The following SET variants were observed in gnomAD, a reference collection of about 807,000 sequenced individuals.
SET encodes protein SET.
A neutral mutation model predicts 39.0 loss-of-function variants in SET; 4 were observed. The ratio of observed to expected loss-of-function variants is 0.10; its 90% CI spans 0.05 to 0.23. SET has a LOEUF of 0.23. SET is among the 10% of genes least tolerant of loss of function. The probability of loss-of-function intolerance (pLI) is 1.00; values close to 1 mark genes in which losing one functional copy is unlikely to be tolerated. For missense variants in SET, 137 were observed against 329.7 expected (o/e 0.42, Z 4.53); for synonymous variants, 114 against 115.9 (o/e 0.98, Z 0.11).
chr9:128,694,258 T>A (rs1321014792), intron 7 of SET, among the ~76,000 whole-genome samples: 1 of 152,100 alleles, frequency 6.6e-6, no homozygotes, highest in African/African-American at 2.4e-5. Flanking sequence ...TGGGTTTTTT[T>A]GGTTAGACTT....
upstream of SET, among the ~76,000 whole-genome samples, chr9:128,687,142 G>A (rs974071354): frequency 1.3e-5 from 2 of 152,044 alleles, no homozygotes; most frequent in African/African-American, 4.8e-5. Flanking sequence ...CAGATCACCT[G>A]AGGTCGGGAG....
rs775179714 is a variant in SET, at chr9:128,691,167, C to T, written c.74-3C>T. 1.9e-6 allele frequency: 3 copies of T among 1,600,720 alleles called. No individual in the cohort carries two copies. The highest frequency in any genetic ancestry group is 2.6e-6 in the Non-Finnish European group (3 of 1,174,132). The stretch of plus-strand genomic sequence containing the variant: ...AATTAAGTTTTTTGCTCCTTTTTTG[C>T]AGAAAAAGAACAGCAAGAAGCGATT... On this transcript the variant is annotated splice_polypyrimidine_tract_variant and splice_region_variant and intron_variant, in intron 1 of 7. Transcript: ENST00000322030.
chr9:128,691,585 A>G (rs995358249), intron 2 of SET, among the ~76,000 whole-genome samples: 4 of 152,226 alleles, frequency 2.6e-5, no homozygotes, highest in Admixed American at 2.0e-4. Context: ...AACAATTGAA[A>G]TTGGACTGGA....
At position 128,695,404 on chromosome 9, in the gene SET, A is replaced by G. The variant is rs1193775324; in HGVS notation, c.*740A>G. 1 of 223,164 alleles carries G rather than the reference A, an allele frequency of 4.5e-6. No individual in the cohort carries two copies. The highest frequency in any genetic ancestry group is 2.2e-5 in the African/African-American group (1 of 44,800). The allele number at this position is 223,164 out of a possible 1,614,324, so 13.8% of individuals were successfully genotyped here. ...ATCTTATTTGGAATTGACATTCTCTATTGTAATTTTGTTCCTGTTTATTTT... is the reference window on the plus strand; with the variant it reads ...ATCTTATTTGGAATTGACATTCTCTGTTGTAATTTTGTTCCTGTTTATTTT... On this transcript the variant is annotated 3_prime_UTR_variant, in exon 8 of 8. Coordinates refer to ENST00000322030, the MANE Select transcript of SET (RefSeq NM_003011.4).
At chr9:128,690,745 G>T in intron 1 of SET, 1 of 186,996 alleles carries the variant, frequency 5.3e-6, no homozygotes. Flanking sequence ...TACCTTGATA[G>T]GTGGTAGTGG....
At chr9:128,691,783 A>G in intron 2 of SET, 75 bp from the exon 3 acceptor site, 2 of 1,406,136 alleles carry the variant, frequency 1.4e-6, no homozygotes, top group South Asian at 1.3e-5. Flanking sequence ...GTAAGTAAAT[A>G]CACTCTGTAA....
chr9:128,694,106 GTA>G (rs10637043), intron 7 of SET, 64 bp downstream of exon 7: 6,309 of 970,796 alleles, frequency 6.5e-3, no homozygotes, highest in African/African-American at 7.2e-3. Context: ...ATTTTGGGGT[GTA>G]TATATATATA....
chr9:128,689,786 G>A (rs1212842165), intron 1 of SET, 131 bp downstream of exon 1: 2 of 149,436 alleles, frequency 1.3e-5, no homozygotes, highest in Non-Finnish European at 2.9e-5. Flanking sequence ...GGCCGGGCGG[G>A]GGCCCGCGGA....
chr9:128,690,306 G>C (rs561339260), intron 1 of SET: 9 of 152,934 alleles, frequency 5.9e-5, no homozygotes, highest in African/African-American at 1.9e-4. Context: ...CCAGTGTATC[G>C]GGGGTCTTGG....
chr9:128,684,544 C>T (rs1009811282), upstream of SET, among the ~76,000 whole-genome samples: 2 of 152,100 alleles, frequency 1.3e-5, no homozygotes, highest in African/African-American at 4.8e-5. Context: ...CCTCCCTTGC[C>T]TCCCCGCGTC....
exon 1 of SET, chr9:128,683,717 G>T: frequency 1.9e-6 from 1 of 521,414 alleles, no homozygotes; most frequent in East Asian, 3.3e-5. Context: ...GAGGGTGGGT[G>T]GGATGAGGCT....
At chr9:128,688,644 G>A (rs528052474), upstream of SET, among the ~76,000 whole-genome samples, 3 of 152,194 alleles carry the variant, frequency 2.0e-5, no homozygotes, top group African/African-American at 4.8e-5. Context: ...CTTGCTCAAG[G>A]GTACAAGCTT....
chr9:128,685,835 C>G (rs1861264925), upstream of SET, among the ~76,000 whole-genome samples: 1 of 152,134 alleles, frequency 6.6e-6, no homozygotes, highest in South Asian at 2.1e-4. Context: ...AGTTCAAGAC[C>G]AGCCTGGCCA....
At chr9:128,690,002 C>T in intron 1 of SET, 9 of 1,050,090 alleles carry the variant, frequency 8.6e-6, no homozygotes, top group Non-Finnish European at 1.0e-5. Flanking sequence ...GCCTCGCTCC[C>T]ATCAGCCGCC....
intron 1 of SET, 198 bp from the exon 2 acceptor site, chr9:128,690,972 A>G: frequency 1.6e-6 from 1 of 643,216 alleles, no homozygotes; most frequent in South Asian, 1.7e-5. Flanking sequence ...GTAAACCAGC[A>G]GACAGCATGA....
At chr9:128,685,106 A>T, upstream of SET, 2 of 1,552,002 alleles carry the variant, frequency 1.3e-6, no homozygotes, top group Admixed American at 4.0e-5. Flanking sequence ...GAGGAGTCCT[A>T]CCTCAGGGCT....
chr9:128,686,011 GAACAAC>G (rs200267325), upstream of SET, among the ~76,000 whole-genome samples: 1 of 150,116 alleles, frequency 6.7e-6, no homozygotes, highest in Non-Finnish European at 1.5e-5. Context: ...TGGGCGACAA[GAACAAC>G]AACAACAACA....
At chr9:128,694,221 TTAAC>T (rs1861647246) in intron 7 of SET, among the ~76,000 whole-genome samples, 179 bp downstream of exon 7, 2 of 152,112 alleles carry the variant, frequency 1.3e-5, no homozygotes, top group South Asian at 2.1e-4. Context: ...GTACTAATGT[TTAAC>T]TAGGTTTTTT....
At chr9:128,691,418 C>G (rs1344021930) in intron 2 of SET, among the ~76,000 whole-genome samples, 191 bp downstream of exon 2, 1 of 152,160 alleles carries the variant, frequency 6.6e-6, no homozygotes, top group East Asian at 1.9e-4. Flanking sequence ...GTGCATTGAC[C>G]TTACAAGGTT....
Sources: gnomAD v4.1 joint callset for allele counts (sites outside exome capture counted in the v4.1 genomes callset) on GRCh38, gnomAD v4.1.1 for gene constraint, MANE v1.5 for transcripts, NCBI Gene and HGNC (gene_info 2026-07-23, HGNC 2026-07-21) for gene names.